SYNE1: variants seen among roughly 807,000 people sequenced by gnomAD.
SYNE1 encodes spectrin repeat containing nuclear envelope protein 1.
A neutral mutation model predicts 1,111.0 loss-of-function variants in SYNE1; 616 were observed. The observed-to-expected ratio is 0.55, with a 90% CI of 0.52 to 0.59. The LOEUF is 0.59. Among genes scored for constraint, SYNE1 ranks in the 20% least tolerant of loss-of-function variants. The pLI is 0.00. For synonymous variants in SYNE1, 3,855 were observed against 3,825.8 expected, an observed-to-expected ratio of 1.01 and a Z score of -0.28; for missense variants, 10,006 against 10,417.0, an observed-to-expected ratio of 0.96 and a Z score of 1.72.
At chr6:152,491,749 C>T (rs1022144990) in intron 11 of SYNE1, among the ~76,000 whole-genome samples, 7 of 152,102 alleles carry the variant, frequency 4.6e-5, no homozygotes, top group Non-Finnish European at 1.0e-4. Flanking sequence ...CATCACAAAT[C>T]TTCTTTCTCT....
chr6:152,457,641 G>T (rs1390202404), intron 22 of SYNE1, among the ~76,000 whole-genome samples: 2 of 152,098 alleles, frequency 1.3e-5, no homozygotes, highest in Non-Finnish European at 2.9e-5. Context: ...AAGAAGCAAA[G>T]TAAAGATCTC....
intron 4 of SYNE1, among the ~76,000 whole-genome samples, chr6:152,534,861 AT>A (rs1422355208): frequency 6.6e-6 from 1 of 152,260 alleles, no homozygotes; most frequent in Non-Finnish European, 1.5e-5. Context: ...TAAATTCATG[AT>A]TAGCATGGAT....
At position 152,439,307 on chromosome 6, in the gene SYNE1, C is replaced by T. The variant is rs917853279; in HGVS notation, c.4149+1823G>A. On this transcript the variant is annotated intron_variant, in intron 32 of 145. Coordinates refer to ENST00000367255, the MANE Select transcript of SYNE1 (RefSeq NM_182961.4). ...AGGGGGTCAGAAACTCTGGCTGGAA[C>T]GTGGTCAGAAACATTTAGGAAATTA... Among the ~76,000 whole-genome samples the T allele has an allele frequency of 3.3e-5, 5 of 152,248 alleles. No individual in the cohort carries two copies. In the East Asian group the frequency reaches 5.8e-4, roughly 18 times the overall value.
At position 152,211,492 on chromosome 6, in the gene SYNE1, ACCTG is replaced by A; in HGVS notation, c.22587_22589+1del. ...TTTGTAATAATTTATCAAAGATCCT[ACCTG>A]TCATCAACTTGACCTTGTTCTAGAA... On this transcript the variant is annotated splice_donor_variant and coding_sequence_variant, in exon 124 of 146. Transcript: ENST00000367255. LOFTEE classifies it high-confidence loss of function. The A allele has an allele frequency of 6.2e-7, 1 of 1,611,730 alleles. No homozygotes were observed. The highest frequency in any genetic ancestry group is 8.5e-7 in the Non-Finnish European group (1 of 1,178,016).
chr6:152,294,841 A>C (rs760692956), intron 93 of SYNE1, among the ~76,000 whole-genome samples: 1 of 152,206 alleles, frequency 6.6e-6, no homozygotes, highest in Non-Finnish European at 1.5e-5. Context: ...TATAGTAAAG[A>C]TATATCAAGA....
rs146063442 is a variant in SYNE1 at position 152,615,827 on chromosome 6, C to A, written c.67+12438G>T. Among the ~76,000 whole-genome samples, 823 of 152,262 alleles carry A rather than the reference C, an allele frequency of 5.4e-3. 11 individuals carry two copies. Among genetic ancestry groups the A allele is most frequent in the African/African-American group, 0.018 (759 of 41,544 alleles). ...CTTTCTCAACAAAGTGTTTTCACAC[C>A]TTTTGACTTTTACAGACACAAGAGC... On this transcript the variant is annotated intron_variant, in intron 3 of 145. Transcript: ENST00000367255.
intron 8 of SYNE1, among the ~76,000 whole-genome samples, 171 bp from the exon 9 acceptor site, chr6:152,505,568 A>G (rs2099053577): frequency 6.6e-6 from 1 of 152,224 alleles, no homozygotes; most frequent in African/African-American, 2.4e-5. Context: ...GGGCAACAAG[A>G]TAAGATGTCG....
intron 9 of SYNE1, among the ~76,000 whole-genome samples, chr6:152,503,174 A>G (rs1003512027): frequency 6.6e-6 from 1 of 152,148 alleles, no homozygotes; most frequent in Non-Finnish European, 1.5e-5. Flanking sequence ...GTGACACTGA[A>G]TGACATATAT....
chr6:152,472,520 G>C, intron 14 of SYNE1, 107 bp from the exon 15 acceptor site: 4 of 1,021,234 alleles, frequency 3.9e-6, no homozygotes, highest in Non-Finnish European at 3.0e-6. Flanking sequence ...TCAACAATTT[G>C]ATCCCGCTGC....
chr6:152,364,785 A>C, intron 63 of SYNE1, 62 bp downstream of exon 63: 1 of 1,604,812 alleles, frequency 6.2e-7, no homozygotes, highest in Non-Finnish European at 8.5e-7. Context: ...TGGTCTGTTC[A>C]GTAGTATTAT....
chr6:152,264,077 C>T (rs191760676), intron 100 of SYNE1, among the ~76,000 whole-genome samples: 27 of 150,828 alleles, frequency 1.8e-4, no homozygotes, highest in East Asian at 1.4e-3. Context: ...GGCATGGTGG[C>T]GCACACCTGT....
intron 25 of SYNE1, among the ~76,000 whole-genome samples, chr6:152,451,579 T>A (rs1018899721): frequency 6.9e-6 from 1 of 145,954 alleles, no homozygotes; most frequent in Non-Finnish European, 1.5e-5. Flanking sequence ...ACATCCTGGG[T>A]TCAAGCGATT....
In SYNE1 at chr6:152,224,592, T is replaced by A; in HGVS notation, c.21424A>T (p.Ile7142Leu). Residue 7142 changes from isoleucine (I) to leucine (L), a missense_variant, in exon 117 of 146, where the codon ATA becomes TTA. Transcript: ENST00000367255. Reference sequence around the variant, plus strand: ...CTGGCCTCCATGAGGTAACTGTTTATCTTGTCAAAGGCCACTTTGTGACTA... The same window carrying A: ...CTGGCCTCCATGAGGTAACTGTTTAACTTGTCAAAGGCCACTTTGTGACTA... ...WSSHKVAFDK[I>L]NSYLMEARYS... is the part of the protein sequence containing the mutation. 1 of 1,614,026 alleles carries A rather than the reference T, an allele frequency of 6.2e-7. No homozygotes were observed. The highest frequency in any genetic ancestry group is 8.5e-7 in the Non-Finnish European group (1 of 1,179,962).
intron 80 of SYNE1, among the ~76,000 whole-genome samples, 168 bp downstream of exon 80, chr6:152,325,790 A>G (rs1160979808): frequency 6.6e-6 from 1 of 152,248 alleles, no homozygotes; most frequent in Non-Finnish European, 1.5e-5. Context: ...TGGGAATCCT[A>G]AAAGGTAATA....
intron 138 of SYNE1, 21 bp downstream of exon 138, chr6:152,143,602 C>G: frequency 6.2e-7 from 1 of 1,614,094 alleles, no homozygotes; most frequent in South Asian, 1.1e-5. Context: ...AGGTCGGAAT[C>G]AGGATGGCCA....
chr6:152,583,538 G>C (rs549669362), intron 3 of SYNE1, among the ~76,000 whole-genome samples: 17 of 152,310 alleles, frequency 1.1e-4, no homozygotes, highest in African/African-American at 3.6e-4. Flanking sequence ...CCAATGTGTG[G>C]GACCTTTATC....
intron 127 of SYNE1, among the ~76,000 whole-genome samples, chr6:152,196,402 A>C (rs555643472): frequency 6.6e-6 from 1 of 152,222 alleles, no homozygotes; most frequent in South Asian, 2.1e-4. Flanking sequence ...ACTTGAAGCC[A>C]GCATGTCTCC....
At position 152,297,781 on chromosome 6, in the gene SYNE1, C is replaced by CTGTG. The variant is rs377152081; in HGVS notation, c.17682+2856_17682+2859dup. Among the ~76,000 whole-genome samples, 608 of 119,824 alleles carry CTGTG rather than the reference C, an allele frequency of 5.1e-3. 2 individuals are homozygous for CTGTG. Among genetic ancestry groups the CTGTG allele is most frequent in the Middle Eastern group, 0.02 (5 of 254 alleles). 78.6% of individuals were successfully genotyped at this position (119,824 alleles called of 152,430 possible). A position where few individuals can be genotyped will look rare whatever the true frequency, so the allele number is the denominator to read the frequency against. ...ATAATTTTTTTCTGGCAGTCTCACT[C>CTGTG]TGTGTGTGTGTGTGTGTGTGTGTGT... On this transcript the variant is annotated intron_variant, in intron 93 of 145. Transcript: ENST00000367255.
chr6:152,595,824 T>C (rs534416206), intron 3 of SYNE1, among the ~76,000 whole-genome samples: 1 of 152,114 alleles, frequency 6.6e-6, no homozygotes, highest in Admixed American at 6.5e-5. Context: ...ACCTGTACGA[T>C]GCGGCTGTTG....
Sources: allele counts gnomAD v4.1 joint callset (sites outside exome capture counted in the v4.1 genomes callset), GRCh38; gene constraint gnomAD v4.1.1; transcripts MANE v1.5; gene names NCBI Gene and HGNC (gene_info 2026-07-23, HGNC 2026-07-21).